LARGE1: variants seen among roughly 807,000 people sequenced by gnomAD.
The protein encoded by LARGE1 is xylosyl- and glucuronyltransferase LARGE1.
Under a neutral mutation model 87.6 loss-of-function variants are expected in LARGE1, and 43 were observed. The observed-to-expected ratio is 0.49, with a 90% CI of 0.38 to 0.63. The LOEUF is 0.63. Among genes scored for constraint, LARGE1 ranks in the 30% least tolerant of loss-of-function variants. The probability of loss-of-function intolerance (pLI) is 0.00; values close to 1 mark genes in which losing one functional copy is unlikely to be tolerated. For missense variants in LARGE1, 802 were observed against 1,000.2 expected (o/e 0.80, Z 2.67); for synonymous variants, 434 against 394.6 (o/e 1.10, Z -1.18).
chr22:33,291,224 A>G (rs1932488808), intron 12 of LARGE1, among the ~76,000 whole-genome samples: 1 of 152,178 alleles, frequency 6.6e-6, no homozygotes, highest in Non-Finnish European at 1.5e-5. Context: ...GGAAAACTCT[A>G]CGACCAACAC....
At chr22:33,739,429 C>T (rs55662114) in intron 2 of LARGE1, among the ~76,000 whole-genome samples, 1 of 152,116 alleles carries the variant, frequency 6.6e-6, no homozygotes, top group Non-Finnish European at 1.5e-5. Flanking sequence ...TTTCATAAAC[C>T]AAAAAACCTA....
intron 9 of LARGE1, among the ~76,000 whole-genome samples, chr22:33,356,497 C>T (rs1488931652): frequency 1.3e-5 from 2 of 152,174 alleles, no homozygotes; most frequent in African/African-American, 2.4e-5. Context: ...GTTGGCCGGG[C>T]GTGGTGGCTC....
chr22:33,478,294 A>G (rs372705068), intron 6 of LARGE1, among the ~76,000 whole-genome samples: 87 of 152,342 alleles, frequency 5.7e-4, no homozygotes, highest in Non-Finnish European at 9.0e-4. Context: ...TTTGAGCTTC[A>G]AAACACATGG....
At chr22:33,721,677 C>A (rs892152980) in intron 2 of LARGE1, among the ~76,000 whole-genome samples, 1 of 152,110 alleles carries the variant, frequency 6.6e-6, no homozygotes, top group Admixed American at 6.5e-5. Flanking sequence ...AATGCATGTG[C>A]GGCTCCTTAA....
At chr22:33,755,074 T>G (rs1252091232) in intron 2 of LARGE1, among the ~76,000 whole-genome samples, 1 of 152,216 alleles carries the variant, frequency 6.6e-6, no homozygotes, top group Non-Finnish European at 1.5e-5. Flanking sequence ...TTACAATTCT[T>G]TCACTCTCAC....
chr22:33,202,983 A>C (rs1299547536), intron 11 of LARGE1, among the ~76,000 whole-genome samples: 1 of 152,226 alleles, frequency 6.6e-6, no homozygotes, highest in Non-Finnish European at 1.5e-5. Context: ...ATAATAATAT[A>C]ATAAGACTTT....
chr22:33,348,079 G>A (rs1939957814), intron 9 of LARGE1, among the ~76,000 whole-genome samples: 1 of 152,148 alleles, frequency 6.6e-6, no homozygotes, highest in Non-Finnish European at 1.5e-5. Context: ...ACAGCCCAGA[G>A]AGGAAGCCAG....
chr22:33,295,347 CAT>C (rs923615347), intron 12 of LARGE1, among the ~76,000 whole-genome samples: 18 of 152,192 alleles, frequency 1.2e-4, no homozygotes, highest in African/African-American at 3.4e-4. Flanking sequence ...GAAGGGCACA[CAT>C]GTGTGTGTAC....
At chr22:33,488,404 A>C (rs1029701235) in intron 6 of LARGE1, among the ~76,000 whole-genome samples, 2 of 152,200 alleles carry the variant, frequency 1.3e-5, no homozygotes, top group Non-Finnish European at 2.9e-5. Context: ...ACAACAGGGC[A>C]AGAGAGTCAA....
intron 7 of LARGE1, among the ~76,000 whole-genome samples, chr22:33,385,297 G>T (rs2065284707): frequency 6.8e-6 from 1 of 147,820 alleles, no homozygotes; most frequent in Non-Finnish European, 1.5e-5. Flanking sequence ...CCAGCACTTT[G>T]GGAGGGGAGG....
At chr22:33,858,755 T>C (rs997267500) in intron 1 of LARGE1, among the ~76,000 whole-genome samples, 5 of 152,222 alleles carry the variant, frequency 3.3e-5, no homozygotes, top group African/African-American at 4.8e-5. Flanking sequence ...CGTATGTTTA[T>C]TGCAGCACTA....
At chr22:33,617,232 G>A (rs1245294825) in intron 4 of LARGE1, among the ~76,000 whole-genome samples, 2 of 152,174 alleles carry the variant, frequency 1.3e-5, no homozygotes, top group African/African-American at 2.4e-5. Context: ...CAAGACTAAC[G>A]GCCATAAAGG....
At chr22:33,740,174 C>T (rs76960606) in intron 2 of LARGE1, among the ~76,000 whole-genome samples, 12,119 of 152,224 alleles carry the variant, frequency 0.08, 489 homozygotes, top group African/African-American at 0.099. Flanking sequence ...TCTGACTCCT[C>T]TCCTTGGCCT....
intron 1 of LARGE1, among the ~76,000 whole-genome samples, chr22:33,844,615 T>C (rs1232103287): frequency 6.6e-6 from 1 of 152,016 alleles, no homozygotes; most frequent in Non-Finnish European, 1.5e-5. Context: ...ACAGCTGCCA[T>C]GGGGTCTGGG....
chr22:33,491,748 A>G (rs2069851317), intron 6 of LARGE1, among the ~76,000 whole-genome samples: 1 of 152,208 alleles, frequency 6.6e-6, no homozygotes, highest in Non-Finnish European at 1.5e-5. Flanking sequence ...AAAGCTTTGG[A>G]ATAATATGAA....
At chr22:33,677,288 T>TAAAA (rs779032764) in intron 2 of LARGE1, among the ~76,000 whole-genome samples, 3 of 110,174 alleles carry the variant, frequency 2.7e-5, no homozygotes, top group East Asian at 2.6e-4. Flanking sequence ...TTTCAGGAGT[T>TAAAA]AAAAAAAAAA....
chr22:33,299,983 T>A (rs190376298), intron 12 of LARGE1, among the ~76,000 whole-genome samples: 1 of 152,390 alleles, frequency 6.6e-6, no homozygotes, highest in East Asian at 1.9e-4. Context: ...GTTTTGGCTG[T>A]AATATTAGCT....
At chr22:33,787,680 GA>G in intron 1 of LARGE1, among the ~76,000 whole-genome samples, 1 of 152,110 alleles carries the variant, frequency 6.6e-6, no homozygotes, top group Admixed American at 6.5e-5. Flanking sequence ...CAGTTCAAAA[GA>G]ACTTAGTGAG....
chr22:33,842,235 C>T (rs1308528616), intron 1 of LARGE1, among the ~76,000 whole-genome samples: 1 of 152,140 alleles, frequency 6.6e-6, no homozygotes, highest in East Asian at 1.9e-4. Context: ...CTTCGACGCA[C>T]GCTGTTGCTC....
Sources: gnomAD v4.1 joint callset for allele counts (sites outside exome capture counted in the v4.1 genomes callset) on GRCh38, gnomAD v4.1.1 for gene constraint, MANE v1.5 for transcripts, NCBI Gene and HGNC (gene_info 2026-07-23, HGNC 2026-07-21) for gene names.